Variants in STRAP observed in about 807,000 individuals in gnomAD.
STRAP encodes serine-threonine kinase receptor-associated protein.
In STRAP, 16 loss-of-function variants were observed where a neutral mutation model predicts 47.0. The observed-to-expected ratio is 0.34, with a 90% CI of 0.23 to 0.52. The LOEUF is 0.52. Ranked by LOEUF, STRAP falls within the 20% of genes least tolerant of loss-of-function variation. The pLI, the probability that STRAP is intolerant of heterozygous loss-of-function variation, is 0.96. For synonymous variants in STRAP, 130 were observed against 142.7 expected (o/e 0.91, Z 0.63); for missense variants, 293 against 420.0 (o/e 0.70, Z 2.64).
chr12:15,888,765 G>T (rs1015105042), intron 2 of STRAP, among the ~76,000 whole-genome samples: 1 of 152,010 alleles, frequency 6.6e-6, no homozygotes, highest in Non-Finnish European at 1.5e-5. Context: ...TTTCTTAAAT[G>T]TGATATTTAA....
Position 15,890,685 on chromosome 12 carries a change from A to G in STRAP, c.403+16A>G. ...CCTGAAGCAGGTAAGCATAATTTAA[A>G]CATCAGCTTCTAGTTTTATTTTCTT... On this transcript the variant is annotated intron_variant, in intron 4 of 9. Coordinates refer to ENST00000419869, the MANE Select transcript of STRAP (RefSeq NM_007178.4). This position sits in a 1 kb window ranked among gnomAD's most constrained non-coding sequence, Gnocchi z 4.5. 6.3e-7 allele frequency: 1 copy of G among 1,579,888 alleles called. No individual in the cohort carries two copies. The highest frequency in any genetic ancestry group is 8.6e-7 in the Non-Finnish European group (1 of 1,159,222).
Position 15,897,974 on chromosome 12 carries a change from AT to A in STRAP, c.735del (p.Phe245LeufsTer14). ...GAATTTCTTGTTGCAGGCGGTGAAG[AT>A]TTTAAACTTTATAAGTATGATTATA... is the stretch of plus-strand genomic sequence containing the variant. ...EKEFLVAGGE[D>X]FKLYKYDYNS... On this transcript the variant is annotated frameshift_variant, in exon 7 of 10. Transcript: ENST00000419869. LOFTEE classifies it high-confidence loss of function. 6.2e-7 allele frequency: 1 copy of A among 1,604,202 alleles called. No individual in the cohort carries two copies. Among genetic ancestry groups the A allele is most frequent in the Non-Finnish European group, 8.5e-7 (1 of 1,176,432 alleles).
chr12:15,886,135 C>A (rs1326177715), intron 2 of STRAP, among the ~76,000 whole-genome samples: 1 of 151,748 alleles, frequency 6.6e-6, no homozygotes, highest in Non-Finnish European at 1.5e-5. Context: ...AGCATTGGCA[C>A]TAGGTGGGCT....
intron 9 of STRAP, among the ~76,000 whole-genome samples, chr12:15,902,341 GT>G (rs1360706138): frequency 6.6e-6 from 1 of 152,172 alleles, no homozygotes; most frequent in Non-Finnish European, 1.5e-5. Flanking sequence ...AGAGTCTTTT[GT>G]TAGACTTGTT....
At chr12:15,899,833 ATTT>A in intron 7 of STRAP, 68 bp from the exon 8 acceptor site, 11 of 1,174,742 alleles carry the variant, frequency 9.4e-6, no homozygotes, top group South Asian at 2.8e-5. Context: ...CACAGACAGT[ATTT>A]TTTTTTTTTA....
chr12:15,885,488 C>CTTTTTTTTTTTTTT (rs5796649), intron 2 of STRAP, among the ~76,000 whole-genome samples: 1 of 132,466 alleles, frequency 7.5e-6, no homozygotes, highest in African/African-American at 2.9e-5. Flanking sequence ...CGTGCCTGGC[C>CTTTTTTTTTTTTTT]TTTTTTTTTT....
chr12:15,899,782 G>T (rs2136113638), intron 7 of STRAP, 122 bp from the exon 8 acceptor site: 1 of 885,754 alleles, frequency 1.1e-6, no homozygotes, highest in South Asian at 1.5e-5. Flanking sequence ...TTAAGTACAG[G>T]TTTTAATGTT....
chr12:15,891,100 G>A (rs544958265), intron 4 of STRAP, among the ~76,000 whole-genome samples: 4 of 151,406 alleles, frequency 2.6e-5, no homozygotes, highest in Non-Finnish European at 2.9e-5. Flanking sequence ...AAATTAAAAC[G>A]TAATTCATCA....
At position 15,887,636 on chromosome 12, in the gene STRAP, C is replaced by T. The variant is rs1431456240; in HGVS notation, c.249-2292C>T. 6.6e-6 allele frequency among the ~76,000 whole-genome samples: 1 copy of T among 152,114 alleles called. No homozygotes were observed. Among genetic ancestry groups the T allele is most frequent in the African/African-American group, 2.4e-5 (1 of 41,424 alleles). On this transcript the variant is annotated intron_variant, in intron 2 of 9. Transcript: ENST00000419869. The surrounding 1 kb of genome is among the most constrained non-coding windows in gnomAD (Gnocchi z 5.5). Reference sequence around the variant, plus strand: ...GGAGGAAAAACTACAGACACATTACCTCTCTGGTTAATATTACTACTTTGG... The same window carrying T: ...GGAGGAAAAACTACAGACACATTACTTCTCTGGTTAATATTACTACTTTGG...
rs1354475114 is a variant in STRAP at position 15,882,789 on chromosome 12, T to C, written c.82T>C (p.Tyr28His). 6.2e-7 allele frequency: 1 copy of C among 1,613,742 alleles called. No homozygotes were observed. Reference protein sequence around the residue: ...VDLAFSGITPYGYFLISACKD... With the variant: ...VDLAFSGITPHGYFLISACKD... The stretch of plus-strand genomic sequence containing the variant: ...TTTGGCCTTCAGTGGCATCACGCCT[T>C]ATGGGTATTTCTTAATCAGCGCTTG... Residue 28 changes from tyrosine to histidine, a missense_variant, in exon 1 of 10, where the codon TAT becomes CAT. Transcript: ENST00000419869.
chr12:15,891,540 A>G (rs78601943), intron 4 of STRAP, among the ~76,000 whole-genome samples: 4,308 of 152,356 alleles, frequency 0.028, 213 homozygotes, highest in African/African-American at 0.099. Flanking sequence ...GATTTTAAAT[A>G]TGAAAAGCAG....
In STRAP at chr12:15,902,908, T is replaced by A. The variant is rs761352474; in HGVS notation, c.992-9T>A. On this transcript the variant is annotated splice_polypyrimidine_tract_variant and intron_variant, in intron 9 of 9. Transcript: ENST00000419869. ...GACTTTTTTTTTTTTTTTTTTTTTT[T>A]ACTTATAGAAGAAATTGCTTCAGAG... The A allele has an allele frequency of 1.2e-4, 179 of 1,493,800 alleles. No homozygotes were observed. In the African/African-American group the frequency reaches 2.0e-3, roughly 16 times the overall value. The allele number at this position is 1,493,800 out of a possible 1,614,324, so 92.5% of individuals were successfully genotyped here.
At chr12:15,886,169 G>A (rs1346757927) in intron 2 of STRAP, among the ~76,000 whole-genome samples, 1 of 151,858 alleles carries the variant, frequency 6.6e-6, no homozygotes, top group Non-Finnish European at 1.5e-5. Flanking sequence ...TAACTATGCT[G>A]TGTATTTCCA....
At chr12:15,885,488 C>CTGTTTTT (rs1947963016) in intron 2 of STRAP, among the ~76,000 whole-genome samples, 1 of 132,478 alleles carries the variant, frequency 7.5e-6, no homozygotes, top group African/African-American at 2.9e-5. Context: ...CGTGCCTGGC[C>CTGTTTTT]TTTTTTTTTT....
At chr12:15,900,165 A>G in intron 8 of STRAP, 112 bp downstream of exon 8, 1 of 1,153,246 alleles carries the variant, frequency 8.7e-7, no homozygotes, top group Non-Finnish European at 1.2e-6. Flanking sequence ...TAAATTATAT[A>G]TTATGGTTTA....
chr12:15,889,955 T>G lies in STRAP; in HGVS notation c.276T>G (p.Asp92Glu). Residue 92 changes from aspartate (D) to glutamate (E), a missense_variant, in exon 3 of 10, where the codon GAT becomes GAG. By Grantham distance (45) the Asp-to-Glu change is conservative. Transcript: ENST00000419869. Reference protein sequence around the residue: ...TAKVWDAVSGDELMTLAHKHI... With the variant: ...TAKVWDAVSGEELMTLAHKHI... ...AAGTGTGGGATGCTGTCTCAGGAGA[T>G]GAATTGATGACCCTGGCTCATAAAC... is the stretch of plus-strand genomic sequence containing the variant. The G allele has an allele frequency of 6.2e-7, 1 of 1,613,830 alleles. No homozygotes were observed. Among genetic ancestry groups the G allele is most frequent in the Non-Finnish European group, 8.5e-7 (1 of 1,179,838 alleles).
chr12:15,882,484 T>A lies in STRAP; in HGVS notation c.-224T>A. On this transcript the variant is annotated 5_prime_UTR_variant, in exon 1 of 10. Coordinates refer to ENST00000419869, the MANE Select transcript of STRAP (RefSeq NM_007178.4). The stretch of plus-strand genomic sequence containing the variant: ...TCCCCTACTTTCCTCCCTCCCTCCC[T>A]TTCCCTCCCTCGTCGACTGTTGCTT... 2.7e-4 allele frequency: 94 copies of A among 352,544 alleles called. No individual in the cohort carries two copies. The highest frequency in any genetic ancestry group is 7.1e-4 in the Middle Eastern group (1 of 1,404). 21.8% of individuals were successfully genotyped at this position (352,544 alleles called of 1,614,324 possible).
At chr12:15,883,700 C>T in intron 2 of STRAP, 24 bp downstream of exon 2, 2 of 1,612,296 alleles carry the variant, frequency 1.2e-6, no homozygotes, top group Non-Finnish European at 1.7e-6. Flanking sequence ...AGATGGCTAA[C>T]TTTGGTGTTC....
chr12:15,896,233 CA>C lies in STRAP; in HGVS notation c.638+745del, dbSNP rs1348513544. On this transcript the variant is annotated intron_variant, in intron 6 of 9. Transcript: ENST00000419869. The surrounding 1 kb of genome is among the most constrained non-coding windows in gnomAD (Gnocchi z 4.1). ...TGGGTAACAGAGTGAGACTCTGTCT[CA>C]AAAAAAACAAAAAACAAAAAAACAG... 6.7e-6 allele frequency among the ~76,000 whole-genome samples: 1 copy of C among 150,224 alleles called. No individual in the cohort carries two copies. Among genetic ancestry groups the C allele is most frequent in the Admixed American group, 6.6e-5 (1 of 15,106 alleles).
Sources: gnomAD v4.1 joint callset for allele counts (sites outside exome capture counted in the v4.1 genomes callset) on GRCh38, gnomAD v4.1.1 for gene constraint, Gnocchi (gnomAD v3.1) non-coding constraint, MANE v1.5 for transcripts, NCBI Gene and HGNC (gene_info 2026-07-23, HGNC 2026-07-21) for gene names.